The following EPN2 variants were observed in gnomAD, a reference collection of about 807,000 sequenced individuals.
EPN2 encodes epsin 2.
A neutral mutation model predicts 61.7 loss-of-function variants in EPN2; 34 were observed. The observed-to-expected ratio is 0.55, with a 90% CI of 0.42 to 0.73. EPN2 has a LOEUF of 0.73. Among genes scored for constraint, EPN2 ranks in the 30% least tolerant of loss-of-function variants. EPN2 has a pLI of 0.00. For synonymous variants in EPN2, 349 were observed against 353.6 expected (o/e 0.99, Z 0.15); for missense variants, 714 against 839.2 (o/e 0.85, Z 1.84).
intron 6 of EPN2, among the ~76,000 whole-genome samples, chr17:19,312,608 A>G (rs571197173): frequency 6.6e-6 from 1 of 152,270 alleles, no homozygotes; most frequent in Non-Finnish European, 1.5e-5. Context: ...CTTCTACACC[A>G]CAGGCCCCGG....
chr17:19,310,144 T>C, intron 5 of EPN2, 147 bp downstream of exon 5: 2 of 639,316 alleles, frequency 3.1e-6, no homozygotes, highest in Non-Finnish European at 5.7e-6. Context: ...CTGCCGTAAG[T>C]GTGTATTCTT....
intron 4 of EPN2, among the ~76,000 whole-genome samples, chr17:19,297,515 G>A (rs2152224557): frequency 6.6e-6 from 1 of 152,390 alleles, no homozygotes; most frequent in South Asian, 2.1e-4. Context: ...GGGGCTTGCA[G>A]CTGGTAGCTG....
intron 9 of EPN2, among the ~76,000 whole-genome samples, chr17:19,329,894 C>T (rs978123330): frequency 9.9e-5 from 15 of 152,210 alleles, no homozygotes; most frequent in African/African-American, 1.9e-4. Context: ...TCCACAGCCC[C>T]GGCCTCCTCA....
rs867408992 is a variant in EPN2 at position 19,279,248 on chromosome 17, A to G, written c.-293-2707A>G. On this transcript the variant is annotated intron_variant, in intron 1 of 10. Transcript: ENST00000314728. ...GGCAGCGGCACCTTGGCCCTTGCTCACAGGAATCACTGCCTTTTCTTTGCT... is the reference window on the plus strand; with the variant it reads ...GGCAGCGGCACCTTGGCCCTTGCTCGCAGGAATCACTGCCTTTTCTTTGCT... Among the ~76,000 whole-genome samples the G allele has an allele frequency of 3.5e-4, 53 of 152,150 alleles. 1 individual carries two copies. In the Middle Eastern group the frequency reaches 0.014, roughly 39 times the overall value.
In EPN2 at chr17:19,314,628, T is replaced by C. The variant is rs190395260; in HGVS notation, c.1147+1349T>C. 1.1e-4 allele frequency among the ~76,000 whole-genome samples: 17 copies of C among 152,330 alleles called. No homozygotes were observed. The East Asian group carries it at 1.4e-3, about 12-fold the overall frequency. On this transcript the variant is annotated intron_variant, in intron 7 of 10. Transcript: ENST00000314728. ...GTTCCAATAGCTTGATGGTGGCCTCTGTAACCCAGGCAGGGCCTTATACCC... is the reference window on the plus strand; with the variant it reads ...GTTCCAATAGCTTGATGGTGGCCTCCGTAACCCAGGCAGGGCCTTATACCC...
At position 19,285,325 on chromosome 17, in the gene EPN2, C is replaced by G. The variant is rs997606818; in HGVS notation, c.596-295C>G. On this transcript the variant is annotated intron_variant, in intron 3 of 10. Transcript: ENST00000314728. This position sits in a 1 kb window ranked among gnomAD's most constrained non-coding sequence, Gnocchi z 4.5. Reference sequence around the variant, plus strand: ...GGTTGGAACAGTGGGGATGCAGGAGCCTGGTTTGATCCACCCCTCCTCCTC... The same window carrying G: ...GGTTGGAACAGTGGGGATGCAGGAGGCTGGTTTGATCCACCCCTCCTCCTC... Among the ~76,000 whole-genome samples, 1 of 152,244 alleles carries G rather than the reference C, an allele frequency of 6.6e-6. No individual in the cohort carries two copies. The highest frequency in any genetic ancestry group is 2.4e-5 in the African/African-American group (1 of 41,464).
chr17:19,240,603 C>CT (rs1194836036), intron 1 of EPN2, among the ~76,000 whole-genome samples: 3 of 152,270 alleles, frequency 2.0e-5, no homozygotes, highest in Admixed American at 1.3e-4. Context: ...GTTTGTATCC[C>CT]TTTTTTGTCT....
chr17:19,291,542 G>T (rs560729595), intron 4 of EPN2, among the ~76,000 whole-genome samples: 2 of 140,734 alleles, frequency 1.4e-5, no homozygotes, highest in East Asian at 4.2e-4. Flanking sequence ...GGTTCACGCC[G>T]TTCTCCTGCC....
chr17:19,331,159 T>C (rs1321478558), intron 9 of EPN2, among the ~76,000 whole-genome samples: 2 of 152,258 alleles, frequency 1.3e-5, no homozygotes, highest in Non-Finnish European at 2.9e-5. Flanking sequence ...ATAATCTCTC[T>C]TTATATGGCT....
chr17:19,328,664 C>G (rs372763693), intron 7 of EPN2, 47 bp from the exon 8 acceptor site: 1 of 1,539,232 alleles, frequency 6.5e-7, no homozygotes, highest in African/African-American at 1.4e-5. Flanking sequence ...CCCAGCTGCC[C>G]AGACCCTCTG....
rs80234711 is a variant in EPN2, at chr17:19,277,701, T to C, written c.-293-4254T>C. 6.5e-3 allele frequency among the ~76,000 whole-genome samples: 983 copies of C among 152,260 alleles called. 52 individuals are homozygous for C. In the East Asian group the frequency reaches 0.12, roughly 18 times the overall value. ...GCTTCATGGCCCACGCATCATGGGCTGTCTCACGGTTGGAATAATTAGTTT... is the reference window on the plus strand; with the variant it reads ...GCTTCATGGCCCACGCATCATGGGCCGTCTCACGGTTGGAATAATTAGTTT... On this transcript the variant is annotated intron_variant, in intron 1 of 10. Coordinates refer to ENST00000314728, the MANE Select transcript of EPN2 (RefSeq NM_014964.5).
intron 1 of EPN2, among the ~76,000 whole-genome samples, chr17:19,256,393 C>T (rs898734319): frequency 7.9e-6 from 1 of 126,678 alleles, no homozygotes; most frequent in South Asian, 2.4e-4. Context: ...TGAGGCCAGT[C>T]TGGGCAACAT....
rs976080080 is a variant in EPN2 at position 19,307,925 on chromosome 17, C to G, written c.767-1960C>G. On this transcript the variant is annotated intron_variant, in intron 4 of 10. Transcript: ENST00000314728. ...TCCTTTGTCAGGAATTATTCCTAAC[C>G]TTTTAGTTTCTCTCAAAGAGGAAAA... 5.1e-6 allele frequency: 5 copies of G among 985,204 alleles called. No individual in the cohort carries two copies. In the African/African-American group the frequency reaches 8.7e-5, roughly 17 times the overall value. The allele number at this position is 985,204 out of a possible 1,614,324, so 61.0% of individuals were successfully genotyped here.
chr17:19,322,194 G>A (rs879490579), intron 7 of EPN2, among the ~76,000 whole-genome samples: 10 of 152,210 alleles, frequency 6.6e-5, no homozygotes, highest in Non-Finnish European at 8.8e-5. Context: ...AGAAGGTTGT[G>A]GGTTCTGGGG....
chr17:19,248,862 A>G (rs1344903718), intron 1 of EPN2, among the ~76,000 whole-genome samples: 2 of 152,224 alleles, frequency 1.3e-5, no homozygotes, highest in Non-Finnish European at 2.9e-5. Flanking sequence ...AGACACTAGA[A>G]TGGAACCTGG....
intron 1 of EPN2, among the ~76,000 whole-genome samples, chr17:19,239,059 G>A (rs1486225620): frequency 6.6e-6 from 1 of 152,188 alleles, no homozygotes; most frequent in African/African-American, 2.4e-5. Context: ...ACATCAAAAG[G>A]GACTACAATT....
chr17:19,298,717 T>C (rs553366359), intron 4 of EPN2, among the ~76,000 whole-genome samples: 1 of 152,346 alleles, frequency 6.6e-6, no homozygotes, highest in Non-Finnish European at 1.5e-5. Flanking sequence ...TTAATTTAAC[T>C]TGGAGAAGTT....
chr17:19,241,749 C>T (rs2044886956), intron 1 of EPN2, among the ~76,000 whole-genome samples: 1 of 152,002 alleles, frequency 6.6e-6, no homozygotes, highest in Non-Finnish European at 1.5e-5. Context: ...TTTTTTTAAA[C>T]CACTGTAATT....
chr17:19,310,061 C>CTG (rs1282492863), intron 5 of EPN2, 64 bp downstream of exon 5: 93 of 1,193,270 alleles, frequency 7.8e-5, no homozygotes, highest in Middle Eastern at 6.1e-4. Flanking sequence ...GTGTGGCTCA[C>CTG]TGGGAAGAAG....
Sources: gnomAD v4.1 joint callset for allele counts (sites outside exome capture counted in the v4.1 genomes callset) on GRCh38, gnomAD v4.1.1 for gene constraint, Gnocchi (gnomAD v3.1) non-coding constraint, MANE v1.5 for transcripts, NCBI Gene and HGNC (gene_info 2026-07-23, HGNC 2026-07-21) for gene names.